Variants in RNF169 observed in about 807,000 individuals in gnomAD.
The protein encoded by RNF169 is ring finger protein 169.
Under a neutral mutation model 53.9 loss-of-function variants are expected in RNF169, and 24 were observed. That is an observed-to-expected ratio of 0.45 (90% confidence interval 0.32 to 0.63). The LOEUF is 0.63. RNF169 is among the 20% of genes least tolerant of loss of function. RNF169 has a pLI of 0.04. For missense variants in RNF169, 883 were observed against 906.2 expected, an observed-to-expected ratio of 0.97 and a Z score of 0.33; for synonymous variants, 396 against 363.5, an observed-to-expected ratio of 1.09 and a Z score of -1.02.
intron 1 of RNF169, among the ~76,000 whole-genome samples, chr11:74,788,426 T>A (rs1019986847): frequency 6.6e-6 from 1 of 152,168 alleles, no homozygotes; most frequent in Non-Finnish European, 1.5e-5. Flanking sequence ...AGAGTCTCAC[T>A]CTCTCACCCA....
At chr11:74,821,413 C>T (rs2036007940) in intron 4 of RNF169, among the ~76,000 whole-genome samples, 1 of 127,174 alleles carries the variant, frequency 7.9e-6, no homozygotes, top group Admixed American at 7.3e-5. Context: ...AATCCCAGCA[C>T]TTTGGGAGGC....
chr11:74,836,211 G>C lies in RNF169; in HGVS notation c.1608G>C (p.Gly536=). 1.2e-6 allele frequency: 2 copies of C among 1,614,192 alleles called. No homozygotes were observed. Among genetic ancestry groups the C allele is most frequent in the Non-Finnish European group, 1.7e-6 (2 of 1,180,038 alleles). ...CCTGCTGTTCCTCAGAACTCAAAGG[G>C]GGAGGCAGTGGGACTTCTTTGGAGA... ...LETCCSSELK[G]GGSGTSLERE... Residue 536 remains glycine, a synonymous_variant, in exon 6 of 6, where the codon GGG becomes GGC. Coordinates refer to ENST00000299563, the MANE Select transcript of RNF169 (RefSeq NM_001098638.2).
rs142573928 is a variant in RNF169 at position 74,790,226 on chromosome 11, C to G, written c.576+527C>G. ...TTTATGATGTTTTCAAACTAATTGTCTGGGAATCACCTAGAGAATTAAGAC... is the reference window on the plus strand; with the variant it reads ...TTTATGATGTTTTCAAACTAATTGTGTGGGAATCACCTAGAGAATTAAGAC... On this transcript the variant is annotated intron_variant, in intron 2 of 5. Coordinates refer to ENST00000299563, the MANE Select transcript of RNF169 (RefSeq NM_001098638.2). 4.8e-3 allele frequency among the ~76,000 whole-genome samples: 724 copies of G among 152,254 alleles called. 11 individuals are homozygous for G. Among genetic ancestry groups the G allele is most frequent in the African/African-American group, 0.017 (692 of 41,522 alleles).
chr11:74,809,395 A>G (rs1400385903), intron 2 of RNF169, among the ~76,000 whole-genome samples: 1 of 152,238 alleles, frequency 6.6e-6, no homozygotes, highest in Non-Finnish European at 1.5e-5. Context: ...AAGTTGCACT[A>G]TCCCTCTTTT....
intron 1 of RNF169, among the ~76,000 whole-genome samples, chr11:74,754,982 T>C (rs2034959578): frequency 6.6e-6 from 1 of 152,224 alleles, no homozygotes; most frequent in African/African-American, 2.4e-5. Context: ...TCTGGTTTAT[T>C]ACTCAGTTGA....
chr11:74,830,309 C>G (rs1229897614), intron 4 of RNF169, among the ~76,000 whole-genome samples: 1 of 151,838 alleles, frequency 6.6e-6, no homozygotes, highest in Non-Finnish European at 1.5e-5. Context: ...AGAGAAGACT[C>G]AAATTACCAA....
intron 1 of RNF169, among the ~76,000 whole-genome samples, chr11:74,760,107 T>C (rs1343497921): frequency 1.3e-5 from 2 of 151,596 alleles, no homozygotes; most frequent in Non-Finnish European, 3.0e-5. Context: ...TAGAGGTGTT[T>C]GTAGTATTCT....
rs931056204 is a variant in RNF169 at position 74,827,981 on chromosome 11, A to G, written c.843-6695A>G. 5.9e-5 allele frequency among the ~76,000 whole-genome samples: 9 copies of G among 152,230 alleles called. No individual in the cohort carries two copies. In the East Asian group the frequency reaches 1.5e-3, roughly 26 times the overall value. ...CGCCATAGTATTGGAAGTTCTAGCC[A>G]GGGCAGTCAGGCAAGAGAAAGAAAT... is the stretch of plus-strand genomic sequence containing the variant. On this transcript the variant is annotated intron_variant, in intron 4 of 5. Coordinates refer to ENST00000299563, the MANE Select transcript of RNF169 (RefSeq NM_001098638.2).
chr11:74,774,568 C>A (rs556916), intron 1 of RNF169, among the ~76,000 whole-genome samples: 52,273 of 151,896 alleles, frequency 0.34, 10,998 homozygotes, highest in African/African-American at 0.6. Context: ...GTACCTTGGA[C>A]GTCTTTCTTG....
At chr11:74,768,492 A>G (rs2035209093) in intron 1 of RNF169, among the ~76,000 whole-genome samples, 2 of 152,140 alleles carry the variant, frequency 1.3e-5, no homozygotes, top group South Asian at 4.1e-4. Flanking sequence ...CTGTAGTCCC[A>G]GCTACTCAGG....
At chr11:74,758,752 C>T (rs979124394) in intron 1 of RNF169, among the ~76,000 whole-genome samples, 1 of 152,212 alleles carries the variant, frequency 6.6e-6, no homozygotes, top group African/African-American at 2.4e-5. Context: ...GATCCGCCCA[C>T]CTTGGCCTCC....
chr11:74,836,429 G>T lies in RNF169; in HGVS notation c.1826G>T (p.Ser609Ile), dbSNP rs1249941170. Residue 609 changes from serine (S) to isoleucine (I), a missense_variant, in exon 6 of 6, where the codon AGC becomes ATC. By Grantham distance (142) the Ser-to-Ile change is moderately radical. Coordinates refer to ENST00000299563, the MANE Select transcript of RNF169 (RefSeq NM_001098638.2). ...CTGACTAATGGTGTTCTAGTTGAGA[G>T]CCTAAGTGAAGAGCCACTTCCTTCT... ...FDLTNGVLVE[S>I]LSEEPLPSLR... 1.9e-6 allele frequency: 3 copies of T among 1,614,080 alleles called. No individual in the cohort carries two copies. Among genetic ancestry groups the T allele is most frequent in the Non-Finnish European group, 2.5e-6 (3 of 1,180,046 alleles).
intron 4 of RNF169, among the ~76,000 whole-genome samples, chr11:74,829,589 A>G (rs2036147079): frequency 1.3e-5 from 2 of 152,226 alleles, no homozygotes; most frequent in Non-Finnish European, 2.9e-5. Flanking sequence ...CATGGAACCA[A>G]TCTAAATGCC....
rs1326242480 is a variant in RNF169 at position 74,840,971 on chromosome 11, A to T, written c.*4241A>T. ...TTATTTTAATAGTTTTTTCTTCCTGATTTTTTTCAGTTAGTTAGAGTTAAA... is the reference window on the plus strand; with the variant it reads ...TTATTTTAATAGTTTTTTCTTCCTGTTTTTTTTCAGTTAGTTAGAGTTAAA... On this transcript the variant is annotated 3_prime_UTR_variant, in exon 6 of 6. Coordinates refer to ENST00000299563, the MANE Select transcript of RNF169 (RefSeq NM_001098638.2). 6.6e-6 allele frequency: 1 copy of T among 151,848 alleles called. No homozygotes were observed. The highest frequency in any genetic ancestry group is 1.5e-5 in the Non-Finnish European group (1 of 67,970). The allele number at this position is 151,848 out of a possible 1,614,324, so 9.4% of individuals were successfully genotyped here. A position where few individuals can be genotyped will look rare whatever the true frequency, so the allele number is the denominator to read the frequency against.
At chr11:74,795,011 GT>G (rs2035626934) in intron 2 of RNF169, among the ~76,000 whole-genome samples, 1 of 152,066 alleles carries the variant, frequency 6.6e-6, no homozygotes, top group South Asian at 2.1e-4. Flanking sequence ...TTGCTGTGTT[GT>G]CCAGGCTGGT....
chr11:74,818,640 T>A (rs989817021), intron 4 of RNF169, among the ~76,000 whole-genome samples: 3 of 152,188 alleles, frequency 2.0e-5, no homozygotes, highest in Non-Finnish European at 2.9e-5. Flanking sequence ...GCAGTCCTCA[T>A]GCTTCAGCCT....
At chr11:74,795,489 G>A (rs1442481643) in intron 2 of RNF169, among the ~76,000 whole-genome samples, 3 of 152,164 alleles carry the variant, frequency 2.0e-5, no homozygotes, top group African/African-American at 7.2e-5. Context: ...CAGTTTTAAA[G>A]GAATGCTGTG....
intron 1 of RNF169, among the ~76,000 whole-genome samples, chr11:74,772,714 G>T (rs902668376): frequency 4.6e-5 from 7 of 152,016 alleles, no homozygotes; most frequent in Non-Finnish European, 1.0e-4. Flanking sequence ...GTTTAAATAG[G>T]ATAATCAATA....
rs116554537 is a variant in RNF169, at chr11:74,778,716, C to T, written c.503-10910C>T. On this transcript the variant is annotated intron_variant, in intron 1 of 5. Coordinates refer to ENST00000299563, the MANE Select transcript of RNF169 (RefSeq NM_001098638.2). ...TTTATCTAACAACCGCCACCTGGCA[C>T]CCTTCATTCAACTCAAAAGTCAGGA... is the stretch of plus-strand genomic sequence containing the variant. Among the ~76,000 whole-genome samples the T allele has an allele frequency of 3.4e-3, 519 of 152,330 alleles. 6 individuals carry two copies. The highest frequency in any genetic ancestry group is 0.012 in the African/African-American group (496 of 41,572).
Sources: allele counts gnomAD v4.1 joint callset (sites outside exome capture counted in the v4.1 genomes callset), GRCh38; gene constraint gnomAD v4.1.1; transcripts MANE v1.5; gene names NCBI Gene and HGNC (gene_info 2026-07-23, HGNC 2026-07-21).